The following NLGN4Y variants were observed in gnomAD, a reference collection of about 807,000 sequenced individuals.
NLGN4Y encodes the protein neuroligin 4 Y-linked, also known as neuroligin-4, Y-linked.
Under a neutral mutation model 8.4 loss-of-function variants are expected in NLGN4Y, and 4 were observed. That is an observed-to-expected ratio of 0.48 (90% CI 0.23 to 1.09). NLGN4Y has a LOEUF of 1.09. Ranked by LOEUF, NLGN4Y falls within the 50% of genes least tolerant of loss-of-function variation. NLGN4Y has a pLI of 0.19. For synonymous variants in NLGN4Y, 35 were observed against 75.6 expected (o/e 0.46, Z 2.78); for missense variants, 90 against 192.3 (o/e 0.47, Z 3.15).
intron 4 of NLGN4Y, among the ~76,000 whole-genome samples, chrY:14,822,321 G>T (rs2150592209): frequency 3.0e-5 from 1 of 33,678 alleles, no homozygotes; most frequent in Admixed American, 2.7e-4. Flanking sequence ...GTAGGATGCT[G>T]TTTGAATAAC....
At position 14,830,495 on chromosome Y, in the gene NLGN4Y, A is replaced by G; in HGVS notation, c.1637A>G (p.Tyr546Cys). The G allele has an allele frequency of 2.5e-6, 1 of 398,824 alleles. No individual in the cohort carries two copies. Among genetic ancestry groups the G allele is most frequent in the Non-Finnish European group, 3.5e-6 (1 of 283,565 alleles). Residue 546 changes from tyrosine (Y) to cysteine (C), a missense_variant, in exon 6 of 7, where the codon TAC becomes TGC. Physicochemically the swap from Tyr to Cys is radical, Grantham distance 194. This residue lies in a region of NLGN4Y where 37 missense variants were observed against 94.0 expected (regional missense o/e 0.39). Transcript: ENST00000684976. ...DVMLSAVVMTYWTNFAKTGDP... is the reference protein window; with the variant it reads ...DVMLSAVVMTCWTNFAKTGDP... The stretch of plus-strand genomic sequence containing the variant: ...ATGCTCAGTGCCGTGGTGATGACCT[A>G]CTGGACGAACTTCGCCAAAACTGGG...
Position 14,841,243 on chromosome Y carries a change from A to G in NLGN4Y, c.2492A>G (p.His831Arg). Residue 831 changes from histidine to arginine, a missense_variant, in exon 7 of 7, where the codon CAT becomes CGT. Transcript: ENST00000684976. ...AACAGTACAAATTTACCCCACGGACATTCCACCACTAGAGTATAGCTTTTC... is the reference window on the plus strand; with the variant it reads ...AACAGTACAAATTTACCCCACGGACGTTCCACCACTAGAGTATAGCTTTTC... ...GQNSTNLPHG[H>R]STTRV 2.5e-6 allele frequency: 1 copy of G among 398,605 alleles called. No individual in the cohort carries two copies. The highest frequency in any genetic ancestry group is 3.5e-6 in the Non-Finnish European group (1 of 283,406).
At chrY:14,748,680 A>G (rs774789567) in intron 4 of NLGN4Y, 12 of 186,039 alleles carry the variant, frequency 6.5e-5, no homozygotes, top group South Asian at 3.8e-4. Context: ...TGCAGGCACC[A>G]CGGGATTGCA....
At chrY:14,581,972 T>C (rs2080321334) in intron 1 of NLGN4Y, among the ~76,000 whole-genome samples, 1 of 34,265 alleles carries the variant, frequency 2.9e-5, no homozygotes. Context: ...CCTAGTGGCT[T>C]ACAAAGCATT....
At chrY:14,719,580 C>CT (rs1281280797) in intron 3 of NLGN4Y, 62 bp downstream of exon 3, 1 of 147,094 alleles carries the variant, frequency 6.8e-6, no homozygotes. Context: ...CTATCTCTCT[C>CT]TTTTTTTTAT....
At chrY:14,553,531 G>T in intron 1 of NLGN4Y, among the ~76,000 whole-genome samples, 1 of 29,299 alleles carries the variant, frequency 3.4e-5, no homozygotes, top group African/African-American at 1.3e-4. Flanking sequence ...ATGCTACAAG[G>T]CCCCAGTAAC....
At chrY:14,697,333 G>T in intron 2 of NLGN4Y, among the ~76,000 whole-genome samples, 2 of 31,416 alleles carry the variant, frequency 6.4e-5, no homozygotes, top group African/African-American at 1.3e-4. Flanking sequence ...TATATAGACA[G>T]ATAGATAGAA....
chrY:14,550,138 C>T, intron 1 of NLGN4Y, among the ~76,000 whole-genome samples: 1 of 34,310 alleles, frequency 2.9e-5, no homozygotes, highest in Non-Finnish European at 7.3e-5. Flanking sequence ...AGCATGCATG[C>T]ATTGATGTGA....
At chrY:14,592,608 G>A (rs2080375927) in intron 1 of NLGN4Y, among the ~76,000 whole-genome samples, 1 of 32,329 alleles carries the variant, frequency 3.1e-5, no homozygotes, top group Non-Finnish European at 7.5e-5. Context: ...TAACTGCAAT[G>A]GGAGTAGAGA....
In NLGN4Y at chrY:14,843,013, A is replaced by G; in HGVS notation, c.*1751A>G. On this transcript the variant is annotated 3_prime_UTR_variant, in exon 7 of 7. Coordinates refer to ENST00000684976, the MANE Select transcript of NLGN4Y (RefSeq NM_001365588.1). ...ATGTCCCTTAGCTGCATTGTGGGTT[A>G]TTCTAGAAATCCAATGTTAAATGCC... 8.2e-6 allele frequency: 1 copy of G among 121,578 alleles called. No individual in the cohort carries two copies. Among genetic ancestry groups the G allele is most frequent in the Non-Finnish European group, 1.8e-5 (1 of 56,134 alleles). 30.3% of individuals were successfully genotyped at this position (121,578 alleles called of 400,897 possible).
chrY:14,811,069 T>A (rs934911127), intron 4 of NLGN4Y, among the ~76,000 whole-genome samples: 1 of 33,628 alleles, frequency 3.0e-5, no homozygotes, highest in East Asian at 7.7e-4. Context: ...AGAATTTGAG[T>A]GCAGGACGTC....
At chrY:14,699,235 G>C (rs1023797861) in intron 2 of NLGN4Y, among the ~76,000 whole-genome samples, 3 of 33,451 alleles carry the variant, frequency 9.0e-5, no homozygotes, top group Admixed American at 2.7e-4. Context: ...TCAGCCTGCA[G>C]ACTCCATGAG....
chrY:14,775,481 T>TAC (rs768092964), intron 4 of NLGN4Y, among the ~76,000 whole-genome samples: 40 of 30,718 alleles, frequency 1.3e-3, no homozygotes, highest in African/African-American at 4.1e-3. Context: ...TGTCTTTACA[T>TAC]ACACACACAC....
At chrY:14,544,493 A>C (rs958066306) in intron 1 of NLGN4Y, among the ~76,000 whole-genome samples, 2 of 33,104 alleles carry the variant, frequency 6.0e-5, no homozygotes, top group African/African-American at 2.4e-4. Flanking sequence ...GAAAGTCGTC[A>C]TACTGGATAC....
chrY:14,687,534 G>C, intron 2 of NLGN4Y, among the ~76,000 whole-genome samples: 1 of 32,788 alleles, frequency 3.0e-5, no homozygotes, highest in East Asian at 8.3e-4. Context: ...AGGCAAGAGA[G>C]AGCATGTGCA....
chrY:14,656,413 C>A, intron 2 of NLGN4Y, among the ~76,000 whole-genome samples: 1 of 31,111 alleles, frequency 3.2e-5, no homozygotes, highest in Non-Finnish European at 7.7e-5. Flanking sequence ...CATGATGAAA[C>A]CTGTCTCTAC....
intron 4 of NLGN4Y, among the ~76,000 whole-genome samples, chrY:14,818,321 A>G: frequency 3.0e-5 from 1 of 33,423 alleles, no homozygotes; most frequent in African/African-American, 1.2e-4. Context: ...AGGCATGTGA[A>G]AAGAGCAAAG....
chrY:14,540,056 T>G, intron 1 of NLGN4Y, among the ~76,000 whole-genome samples: 1 of 21,369 alleles, frequency 4.7e-5, no homozygotes, highest in Non-Finnish European at 1.0e-4. Context: ...GAAATCTCGC[T>G]GCCAGCACAG....
intron 1 of NLGN4Y, among the ~76,000 whole-genome samples, chrY:14,591,769 G>A (rs2080372783): frequency 3.0e-5 from 1 of 33,548 alleles, no homozygotes; most frequent in Non-Finnish European, 7.4e-5. Context: ...GATAGTGTTC[G>A]TGGTTACAAG....
Sources: allele counts gnomAD v4.1 joint callset (sites outside exome capture counted in the v4.1 genomes callset), GRCh38; gene constraint gnomAD v4.1.1; regional missense constraint gnomAD v4.1.1; transcripts MANE v1.5; gene names NCBI Gene and HGNC (gene_info 2026-07-23, HGNC 2026-07-21).